The following NRG3 variants were observed in gnomAD, a reference collection of about 807,000 sequenced individuals.
The protein encoded by NRG3 is pro-neuregulin-3, membrane-bound isoform.
NRG3 carries 31 observed loss-of-function variants against 66.9 expected under a neutral mutation model. That is an observed-to-expected ratio of 0.46 (90% confidence interval 0.35 to 0.63). NRG3 has a LOEUF of 0.63. Among genes scored for constraint, NRG3 ranks in the 20% least tolerant of loss-of-function variants. NRG3 has a pLI of 0.00. For synonymous variants in NRG3, 393 were observed against 359.4 expected, an observed-to-expected ratio of 1.09 and a Z score of -1.06; for missense variants, 910 against 878.9, an observed-to-expected ratio of 1.04 and a Z score of -0.45.
At chr10:82,103,548 G>A (rs2066887126) in intron 1 of NRG3, among the ~76,000 whole-genome samples, 2 of 152,138 alleles carry the variant, frequency 1.3e-5, no homozygotes, top group East Asian at 3.9e-4. Flanking sequence ...TGTTATTCTG[G>A]AACTTAGGTG....
At chr10:82,596,969 T>A (rs2047318314) in intron 2 of NRG3, among the ~76,000 whole-genome samples, 1 of 152,224 alleles carries the variant, frequency 6.6e-6, no homozygotes, top group African/African-American at 2.4e-5. Flanking sequence ...CCCCCCACCC[T>A]GTGGTTTTTC....
At chr10:81,980,345 T>C (rs1372384093) in intron 1 of NRG3, among the ~76,000 whole-genome samples, 1 of 152,182 alleles carries the variant, frequency 6.6e-6, no homozygotes, top group Non-Finnish European at 1.5e-5. Flanking sequence ...GTCTTGTCAG[T>C]TAATGAGGGT....
At chr10:82,661,652 G>T (rs2052370815) in intron 2 of NRG3, among the ~76,000 whole-genome samples, 2 of 152,086 alleles carry the variant, frequency 1.3e-5, no homozygotes, top group South Asian at 4.1e-4. Flanking sequence ...TGTGCTGTTG[G>T]GCAGGTGATC....
chr10:82,938,790 C>T (rs1337148660), intron 4 of NRG3, among the ~76,000 whole-genome samples: 1 of 152,200 alleles, frequency 6.6e-6, no homozygotes. Flanking sequence ...GGGTCAGATT[C>T]TCCCTGTTGT....
At chr10:81,981,907 T>G (rs916768546) in intron 1 of NRG3, among the ~76,000 whole-genome samples, 6 of 152,216 alleles carry the variant, frequency 3.9e-5, no homozygotes, top group Non-Finnish European at 8.8e-5. Context: ...TATTCCTGGC[T>G]TCTGCTGAGA....
chr10:82,108,902 C>A (rs951973069), intron 1 of NRG3, among the ~76,000 whole-genome samples: 3 of 152,064 alleles, frequency 2.0e-5, no homozygotes, highest in Admixed American at 6.6e-5. Context: ...CTCCTTATCC[C>A]CAGTTAATTC....
chr10:82,386,385 C>T (rs2085990142), intron 2 of NRG3, among the ~76,000 whole-genome samples: 1 of 152,032 alleles, frequency 6.6e-6, no homozygotes, highest in South Asian at 2.1e-4. Context: ...AGATATTAAA[C>T]TGTTAATTAT....
chr10:81,888,731 C>T (rs182529631), intron 1 of NRG3, among the ~76,000 whole-genome samples: 146 of 152,156 alleles, frequency 9.6e-4, no homozygotes, highest in Non-Finnish European at 5.1e-4. Flanking sequence ...CTTGGAGCAG[C>T]GCCTGATTAA....
chr10:82,430,897 C>T (rs1471172643), intron 2 of NRG3, among the ~76,000 whole-genome samples: 2 of 152,068 alleles, frequency 1.3e-5, no homozygotes, highest in African/African-American at 4.8e-5. Flanking sequence ...TCTGTTTTAA[C>T]CTTAACTTTT....
At chr10:82,287,339 T>A (rs747493971) in intron 1 of NRG3, among the ~76,000 whole-genome samples, 8 of 151,968 alleles carry the variant, frequency 5.3e-5, no homozygotes, top group Non-Finnish European at 1.0e-4. Flanking sequence ...CTGCCATGGG[T>A]AAAAGCTCCC....
chr10:82,615,711 C>A (rs1416313061), intron 2 of NRG3, among the ~76,000 whole-genome samples: 1 of 152,070 alleles, frequency 6.6e-6, no homozygotes, highest in Admixed American at 6.6e-5. Flanking sequence ...AAGTTTCACA[C>A]TTTAAAACTC....
rs58989100 is a variant in NRG3, at chr10:82,081,287, T to G, written c.823+205124T>G. On this transcript the variant is annotated intron_variant, in intron 1 of 8. Coordinates refer to ENST00000372141, the MANE Select transcript of NRG3 (RefSeq NM_001010848.4). ...TGGAGAGACACCCATGATGGAATTA[T>G]CTGTTGCAGACAAGAACACAAAGAT... is the stretch of plus-strand genomic sequence containing the variant. Among the ~76,000 whole-genome samples the G allele has an allele frequency of 3.9e-5, 6 of 152,186 alleles. No homozygotes were observed. The East Asian group carries it at 9.6e-4, about 24-fold the overall frequency.
intron 1 of NRG3, among the ~76,000 whole-genome samples, chr10:81,884,370 C>T (rs1454138560): frequency 6.6e-6 from 1 of 152,110 alleles, no homozygotes; most frequent in African/African-American, 2.4e-5. Context: ...AGGAGAAATT[C>T]AGATGTTTCG....
At chr10:82,806,742 A>G (rs1484618369) in intron 3 of NRG3, among the ~76,000 whole-genome samples, 1 of 152,222 alleles carries the variant, frequency 6.6e-6, no homozygotes, top group Non-Finnish European at 1.5e-5. Flanking sequence ...AAGATGATGT[A>G]GATGACAGTC....
chr10:82,129,909 A>G (rs1162939187), intron 1 of NRG3, among the ~76,000 whole-genome samples: 4 of 152,068 alleles, frequency 2.6e-5, no homozygotes, highest in Non-Finnish European at 4.4e-5. Context: ...TAATCACCCT[A>G]TTCTGCTATC....
intron 2 of NRG3, among the ~76,000 whole-genome samples, chr10:82,425,593 T>C (rs922694581): frequency 6.6e-6 from 1 of 152,174 alleles, no homozygotes; most frequent in Non-Finnish European, 1.5e-5. Flanking sequence ...CTTCAGGCTG[T>C]GTTTTTTATT....
chr10:82,335,472 G>C (rs549373491), intron 1 of NRG3, among the ~76,000 whole-genome samples: 1 of 152,138 alleles, frequency 6.6e-6, no homozygotes, highest in African/African-American at 2.4e-5. Flanking sequence ...TGACAGGTAG[G>C]TACTCTCATT....
chr10:82,820,752 C>T (rs964110056), intron 3 of NRG3, among the ~76,000 whole-genome samples: 2 of 152,212 alleles, frequency 1.3e-5, no homozygotes, highest in Non-Finnish European at 2.9e-5. Context: ...TTGATGATTT[C>T]AGATTTGAGT....
At chr10:81,971,607 A>T (rs191779687) in intron 1 of NRG3, among the ~76,000 whole-genome samples, 28 of 152,368 alleles carry the variant, frequency 1.8e-4, no homozygotes, top group Non-Finnish European at 3.4e-4. Context: ...TGAACATCAG[A>T]CAGTGAAGTA....
Sources: allele counts gnomAD v4.1 joint callset (sites outside exome capture counted in the v4.1 genomes callset), GRCh38; gene constraint gnomAD v4.1.1; transcripts MANE v1.5; gene names NCBI Gene and HGNC (gene_info 2026-07-23, HGNC 2026-07-21).